The following CNTNAP2 variants were observed in gnomAD, a reference collection of about 807,000 sequenced individuals.
The protein encoded by CNTNAP2 is contactin associated protein 2, also known as contactin-associated protein-like 2.
CNTNAP2 carries 98 observed loss-of-function variants against 155.2 expected under a neutral mutation model. The observed-to-expected ratio is 0.63, with a 90% CI of 0.54 to 0.75. The LOEUF (loss-of-function observed/expected upper bound fraction) is 0.75, where lower values mean the gene tolerates loss of function less well. Among genes scored for constraint, CNTNAP2 ranks in the 30% least tolerant of loss-of-function variants. CNTNAP2 has a pLI of 0.00. For missense variants in CNTNAP2, 1,727 were observed against 1,688.1 expected (o/e 1.02, Z -0.40); for synonymous variants, 651 against 631.2 (o/e 1.03, Z -0.47).
intron 1 of CNTNAP2, among the ~76,000 whole-genome samples, chr7:146,265,752 G>A (rs897339260): frequency 1.4e-4 from 22 of 152,094 alleles, no homozygotes; most frequent in Non-Finnish European, 1.9e-4. Flanking sequence ...GAGCCACTGC[G>A]CCTGTGCTGA....
intron 1 of CNTNAP2, among the ~76,000 whole-genome samples, chr7:146,653,927 T>C (rs1206813535): frequency 1.3e-5 from 2 of 152,092 alleles, no homozygotes; most frequent in African/African-American, 4.8e-5. Flanking sequence ...CTTGGACTCT[T>C]TAGTGCTTTA....
chr7:146,193,475 GC>G (rs1314060489), intron 1 of CNTNAP2, among the ~76,000 whole-genome samples: 1 of 152,220 alleles, frequency 6.6e-6, no homozygotes, highest in Non-Finnish European at 1.5e-5. Flanking sequence ...CATGGAGGCT[GC>G]CAAGACTTGG....
At chr7:147,327,240 A>G (rs1305556893) in intron 9 of CNTNAP2, among the ~76,000 whole-genome samples, 1 of 152,190 alleles carries the variant, frequency 6.6e-6, no homozygotes, top group Non-Finnish European at 1.5e-5. Flanking sequence ...ACTAATCCTC[A>G]TGATAGCCCT....
intron 1 of CNTNAP2, among the ~76,000 whole-genome samples, chr7:146,310,730 A>T (rs1482315202): frequency 6.6e-6 from 1 of 152,132 alleles, no homozygotes; most frequent in African/African-American, 2.4e-5. Context: ...GATAGCAGTG[A>T]TATTCACGGT....
At chr7:148,039,009 A>G (rs996919683) in intron 15 of CNTNAP2, among the ~76,000 whole-genome samples, 1 of 152,234 alleles carries the variant, frequency 6.6e-6, no homozygotes, top group Non-Finnish European at 1.5e-5. Context: ...TAGAAGATAT[A>G]CATCTGTATC....
At chr7:147,418,697 C>G (rs920273926) in intron 10 of CNTNAP2, among the ~76,000 whole-genome samples, 2 of 152,216 alleles carry the variant, frequency 1.3e-5, no homozygotes. Flanking sequence ...AAACAATTGA[C>G]TGGCAAATGG....
chr7:148,286,853 C>T (rs1265060926), intron 21 of CNTNAP2, among the ~76,000 whole-genome samples: 1 of 152,142 alleles, frequency 6.6e-6, no homozygotes, highest in Admixed American at 6.5e-5. Context: ...CCATATACTC[C>T]CTCACCCCTC....
At chr7:147,531,620 G>A (rs1015395935) in intron 11 of CNTNAP2, among the ~76,000 whole-genome samples, 2 of 152,132 alleles carry the variant, frequency 1.3e-5, no homozygotes, top group African/African-American at 4.8e-5. Context: ...ACCTGGGCCT[G>A]GCCCATGAAA....
chr7:146,535,349 TATG>T (rs1000505278), intron 1 of CNTNAP2, among the ~76,000 whole-genome samples: 7 of 71,876 alleles, frequency 9.7e-5, no homozygotes, highest in Admixed American at 3.5e-4. Context: ...GCATATTATA[TATG>T]ATATTATATA....
At chr7:146,947,141 C>T (rs1797194321) in intron 3 of CNTNAP2, among the ~76,000 whole-genome samples, 2 of 151,756 alleles carry the variant, frequency 1.3e-5, no homozygotes, top group African/African-American at 4.8e-5. Context: ...GAGTAGTTCT[C>T]TTGCCTCAGC....
Position 148,415,524 on chromosome 7 carries a change from G to A in CNTNAP2, c.3904G>A (p.Glu1302Lys). ...TYHTNEAKGA[E>K]SAESADAAIM... Reference sequence around the variant, plus strand: ...CCATACCAACGAAGCAAAGGGGGCGGAGTCGGCAGAGAGCGCGGACGCCGC... The same window carrying A: ...CCATACCAACGAAGCAAAGGGGGCGAAGTCGGCAGAGAGCGCGGACGCCGC... The change falls in exon 24 of 24, where the codon GAG becomes AAG. Residue 1302 changes from glutamate (E) to lysine (K), a missense_variant. Physicochemically the swap from Glu to Lys is moderately conservative, Grantham distance 56. Coordinates refer to ENST00000361727, the MANE Select transcript of CNTNAP2 (RefSeq NM_014141.6). 1 of 1,614,226 alleles carries A rather than the reference G, an allele frequency of 6.2e-7. No individual in the cohort carries two copies. Among genetic ancestry groups the A allele is most frequent in the Non-Finnish European group, 8.5e-7 (1 of 1,180,030 alleles).
At chr7:147,159,813 G>T (rs1801992412) in intron 8 of CNTNAP2, among the ~76,000 whole-genome samples, 1 of 152,116 alleles carries the variant, frequency 6.6e-6, no homozygotes, top group Non-Finnish European at 1.5e-5. Flanking sequence ...CAATATGTGA[G>T]GAGGGCATAT....
chr7:147,486,177 T>C, intron 11 of CNTNAP2, 136 bp downstream of exon 11: 3 of 609,896 alleles, frequency 4.9e-6, no homozygotes, highest in Non-Finnish European at 8.0e-6. Context: ...ATTCCAATTG[T>C]CATTTCTCCA....
Position 147,651,086 on chromosome 7 carries a change from C to T in CNTNAP2, c.2098+11780C>T, listed in dbSNP as rs550598423. On this transcript the variant is annotated intron_variant, in intron 13 of 23. Transcript: ENST00000361727. ...CTCAGAGTACTATTAGCTGGGATATCAGTTCAGGTTCAACCGGAGAAACAG... is the reference window on the plus strand; with the variant it reads ...CTCAGAGTACTATTAGCTGGGATATTAGTTCAGGTTCAACCGGAGAAACAG... Among the ~76,000 whole-genome samples the T allele has an allele frequency of 5.9e-3, 897 of 152,166 alleles. 5 individuals carry two copies. Among genetic ancestry groups the T allele is most frequent in the Middle Eastern group, 0.01 (3 of 294 alleles).
chr7:148,256,806 G>C (rs1796463037), intron 20 of CNTNAP2, among the ~76,000 whole-genome samples: 1 of 152,144 alleles, frequency 6.6e-6, no homozygotes, highest in African/African-American at 2.4e-5. Flanking sequence ...GTAGGCTTAG[G>C]TAAAGGGGGC....
intron 3 of CNTNAP2, among the ~76,000 whole-genome samples, chr7:146,948,437 T>C (rs552753461): frequency 4.7e-4 from 71 of 151,760 alleles, no homozygotes; most frequent in African/African-American, 1.5e-3. Context: ...CTTTATTTGT[T>C]GTGTCATTTT....
chr7:147,410,561 C>A (rs1317658708), intron 10 of CNTNAP2, among the ~76,000 whole-genome samples: 1 of 152,056 alleles, frequency 6.6e-6, no homozygotes, highest in African/African-American at 2.4e-5. Flanking sequence ...ACAAAAACAA[C>A]CACAAAGAAA....
intron 1 of CNTNAP2, among the ~76,000 whole-genome samples, chr7:146,653,723 T>G (rs1009552049): frequency 6.6e-6 from 1 of 152,170 alleles, no homozygotes; most frequent in African/African-American, 2.4e-5. Flanking sequence ...TAGGAAGTAT[T>G]GGATGTTATC....
At chr7:146,639,667 GT>G (rs2129160885) in intron 1 of CNTNAP2, among the ~76,000 whole-genome samples, 1 of 152,332 alleles carries the variant, frequency 6.6e-6, no homozygotes, top group South Asian at 2.1e-4. Flanking sequence ...GTATTCAGAA[GT>G]AAAAATGACA....
Sources: allele counts gnomAD v4.1 joint callset (sites outside exome capture counted in the v4.1 genomes callset), GRCh38; gene constraint gnomAD v4.1.1; transcripts MANE v1.5; gene names NCBI Gene and HGNC (gene_info 2026-07-23, HGNC 2026-07-21).